KIAA1755: variants seen among roughly 807,000 people sequenced by gnomAD.
KIAA1755 encodes uncharacterized protein KIAA1755.
In KIAA1755, 68 loss-of-function variants were observed where a neutral mutation model predicts 91.7. That is an observed-to-expected ratio of 0.74 (90% CI 0.61 to 0.91). KIAA1755 has a LOEUF of 0.91. Among genes scored for constraint, KIAA1755 ranks in the 40% least tolerant of loss-of-function variants. The probability of loss-of-function intolerance (pLI) is 0.00; values close to 1 mark genes in which losing one functional copy is unlikely to be tolerated. For synonymous variants in KIAA1755, 610 were observed against 604.6 expected (o/e 1.01, Z -0.13); for missense variants, 1,535 against 1,494.4 (o/e 1.03, Z -0.45).
intron 11 of KIAA1755, 104 bp from the exon 12 acceptor site, chr20:38,218,470 T>C: frequency 6.8e-7 from 1 of 1,476,008 alleles, no homozygotes; most frequent in Non-Finnish European, 9.1e-7. Context: ...CTTCACTCAT[T>C]CAGTGGCTAG....
Position 38,228,192 on chromosome 20 carries a change from T to C in KIAA1755, c.1920A>G (p.Arg640=). ...TGACCAGACCGGGCTGTGGGGGCTG[T>C]CTCCTGGCGTCAATCAGGACCGCCA... ...KGLAVLIDAR[R]QPPQPGLVSA... The change falls in exon 6 of 14, where the codon AGA becomes AGG. Residue 640 remains arginine, a synonymous_variant. Coordinates refer to ENST00000279024, the MANE Select transcript of KIAA1755 (RefSeq NM_001029864.2). 6.2e-7 allele frequency: 1 copy of C among 1,604,762 alleles called. No homozygotes were observed. Among genetic ancestry groups the C allele is most frequent in the Non-Finnish European group, 8.5e-7 (1 of 1,176,150 alleles).
chr20:38,255,246 C>G (rs929623033), intron 1 of KIAA1755, among the ~76,000 whole-genome samples: 2 of 152,064 alleles, frequency 1.3e-5, no homozygotes, highest in African/African-American at 2.4e-5. Context: ...AAACCAACAG[C>G]CACAGGTATA....
intron 3 of KIAA1755, among the ~76,000 whole-genome samples, chr20:38,240,280 A>G (rs928810175): frequency 6.6e-6 from 1 of 152,184 alleles, no homozygotes; most frequent in African/African-American, 2.4e-5. Flanking sequence ...GAAATAGGTG[A>G]CATTCCCATT....
intron 6 of KIAA1755, 79 bp from the exon 7 acceptor site, chr20:38,227,319 C>G (rs1160995529): frequency 1.8e-6 from 2 of 1,099,952 alleles, no homozygotes; most frequent in East Asian, 2.5e-5. Context: ...CTCCTTCATC[C>G]CCTGTAAGAT....
intron 1 of KIAA1755, among the ~76,000 whole-genome samples, chr20:38,258,918 G>T (rs971729267): frequency 6.6e-6 from 1 of 152,186 alleles, no homozygotes; most frequent in Non-Finnish European, 1.5e-5. Flanking sequence ...TTCAATGAGG[G>T]GTTTCTAATG....
intron 1 of KIAA1755, among the ~76,000 whole-genome samples, chr20:38,252,802 G>A (rs978738394): frequency 3.9e-5 from 6 of 152,162 alleles, no homozygotes; most frequent in African/African-American, 9.7e-5. Flanking sequence ...ACAGAGCTCC[G>A]AGCTCTTGGC....
chr20:38,244,346 G>A (rs2076117917), intron 2 of KIAA1755, among the ~76,000 whole-genome samples: 1 of 152,204 alleles, frequency 6.6e-6, no homozygotes, highest in African/African-American at 2.4e-5. Flanking sequence ...TATGATCTAT[G>A]AGCCAGGCTC....
In KIAA1755 at chr20:38,212,834, A is replaced by G. The variant is rs368187541; in HGVS notation, c.*208T>C. On this transcript the variant is annotated 3_prime_UTR_variant, in exon 14 of 14. Coordinates refer to ENST00000279024, the MANE Select transcript of KIAA1755 (RefSeq NM_001029864.2). The stretch of plus-strand genomic sequence containing the variant: ...CCTGGTTCTGACGCCCACTCTTGCT[A>G]TTCTGCATGGGTGAAGATCGGGTCT... 101 of 504,766 alleles carry G rather than the reference A, an allele frequency of 2.0e-4. 1 individual carries two copies. In the East Asian group the frequency reaches 2.8e-3, roughly 14 times the overall value. The allele number at this position is 504,766 out of a possible 1,614,324, so 31.3% of individuals were successfully genotyped here.
At chr20:38,230,301 C>T (rs752257739) in intron 5 of KIAA1755, among the ~76,000 whole-genome samples, 1 of 152,202 alleles carries the variant, frequency 6.6e-6, no homozygotes, top group African/African-American at 2.4e-5. Flanking sequence ...ACTCATTCAC[C>T]CCTTTCCTTT....
intron 1 of KIAA1755, among the ~76,000 whole-genome samples, chr20:38,246,341 C>T (rs764718857): frequency 1.3e-5 from 2 of 152,194 alleles, no homozygotes; most frequent in Non-Finnish European, 2.9e-5. Context: ...GGCCTTTGCA[C>T]TGGCTGTTCC....
intron 1 of KIAA1755, among the ~76,000 whole-genome samples, chr20:38,250,863 G>T (rs116161401): frequency 1.3e-5 from 2 of 151,972 alleles, no homozygotes; most frequent in African/African-American, 2.4e-5. Flanking sequence ...AGGCACATGT[G>T]GGGGCAAGGG....
At chr20:38,260,153 G>A in intron 1 of KIAA1755, 2 of 1,312,974 alleles carry the variant, frequency 1.5e-6, no homozygotes, top group Non-Finnish European at 2.0e-6. Flanking sequence ...GCATATCACA[G>A]TCAGTTCCAA....
chr20:38,221,816 T>G (rs2075664285), intron 10 of KIAA1755, among the ~76,000 whole-genome samples: 1 of 152,238 alleles, frequency 6.6e-6, no homozygotes, highest in South Asian at 2.1e-4. Context: ...TACTGACCAA[T>G]TTAATGACTG....
At chr20:38,224,358 C>G (rs773107154) in intron 8 of KIAA1755, among the ~76,000 whole-genome samples, 4 of 152,068 alleles carry the variant, frequency 2.6e-5, no homozygotes, top group Admixed American at 6.6e-5. Context: ...AAGCTAGGAC[C>G]CTGGGGGACA....
intron 1 of KIAA1755, among the ~76,000 whole-genome samples, chr20:38,250,026 C>G (rs2076220752): frequency 6.6e-6 from 1 of 152,176 alleles, no homozygotes; most frequent in Non-Finnish European, 1.5e-5. Flanking sequence ...GCATATTGAG[C>G]TGGGCTAAGC....
At chr20:38,222,066 T>C (rs923404511) in intron 10 of KIAA1755, among the ~76,000 whole-genome samples, 5 of 152,210 alleles carry the variant, frequency 3.3e-5, no homozygotes, top group Non-Finnish European at 5.9e-5. Flanking sequence ...ATCAGCCAAA[T>C]GGACAATGTG....
At chr20:38,237,151 A>G (rs1254921642) in intron 4 of KIAA1755, among the ~76,000 whole-genome samples, 1 of 149,840 alleles carries the variant, frequency 6.7e-6, no homozygotes, top group Non-Finnish European at 1.5e-5. Flanking sequence ...CTTCCTTCCA[A>G]TTGCTTCTGC....
chr20:38,260,290 A>G (rs763814559), intron 1 of KIAA1755: 1 of 1,549,686 alleles, frequency 6.5e-7, no homozygotes, highest in Non-Finnish European at 8.7e-7. Flanking sequence ...ACACACATGG[A>G]GAAGCCAGGA....
chr20:38,222,641 C>T, intron 9 of KIAA1755, 44 bp from the exon 10 acceptor site: 1 of 1,597,084 alleles, frequency 6.3e-7, no homozygotes, highest in Non-Finnish European at 8.5e-7. Flanking sequence ...CCCCACTCTC[C>T]CTCTGCAACC....
Sources: allele counts gnomAD v4.1 joint callset (sites outside exome capture counted in the v4.1 genomes callset), GRCh38; gene constraint gnomAD v4.1.1; transcripts MANE v1.5; gene names NCBI Gene and HGNC (gene_info 2026-07-23, HGNC 2026-07-21).